TBC1D4: variants seen among roughly 807,000 people sequenced by gnomAD.
TBC1D4 encodes TBC1 domain family member 4, also known as TBC (Tre-2, BUB2, CDC16) domain-containing protein.
A neutral mutation model predicts 142.5 loss-of-function variants in TBC1D4; 121 were observed. That is an observed-to-expected ratio of 0.85 (90% CI 0.73 to 0.99). The LOEUF (loss-of-function observed/expected upper bound fraction) is 0.99, where lower values mean the gene tolerates loss of function less well. Among genes scored for constraint, TBC1D4 ranks in the 50% least tolerant of loss-of-function variants. The pLI is 0.00. For synonymous variants in TBC1D4, 630 were observed against 628.2 expected (o/e 1.00, Z -0.04); for missense variants, 1,475 against 1,606.6 (o/e 0.92, Z 1.40).
intron 1 of TBC1D4, chr13:75,375,557 T>C (rs1285582932): frequency 6.6e-6 from 1 of 152,034 alleles, no homozygotes; most frequent in African/African-American, 2.4e-5. Flanking sequence ...AACATGAAAG[T>C]GTAGTTAGGG....
intron 1 of TBC1D4, among the ~76,000 whole-genome samples, chr13:75,464,773 C>A (rs1888103777): frequency 6.6e-6 from 1 of 152,296 alleles, no homozygotes; most frequent in Non-Finnish European, 1.5e-5. Flanking sequence ...CTGGCTTGGG[C>A]CTGGATTCCT....
chr13:75,374,732 T>C (rs1883409274), intron 1 of TBC1D4, among the ~76,000 whole-genome samples: 1 of 152,158 alleles, frequency 6.6e-6, no homozygotes, highest in African/African-American at 2.4e-5. Context: ...AACTTCAAAG[T>C]CAGAAACCAA....
intron 7 of TBC1D4, among the ~76,000 whole-genome samples, chr13:75,339,689 C>A (rs1240198727): frequency 1.3e-5 from 2 of 152,100 alleles, no homozygotes; most frequent in African/African-American, 2.4e-5. Context: ...GCTTCTCCTG[C>A]CTCAGCTTCC....
chr13:75,429,661 A>C (rs1446979237), intron 1 of TBC1D4, among the ~76,000 whole-genome samples: 1 of 152,222 alleles, frequency 6.6e-6, no homozygotes, highest in Non-Finnish European at 1.5e-5. Flanking sequence ...ATTTATTTAG[A>C]TCGAACCACT....
chr13:75,459,628 T>C (rs1049107759), intron 1 of TBC1D4, among the ~76,000 whole-genome samples: 1 of 152,164 alleles, frequency 6.6e-6, no homozygotes, highest in Non-Finnish European at 1.5e-5. Flanking sequence ...GTGTTCTTTT[T>C]CCCAAAACAG....
chr13:75,430,105 G>T (rs1886535556), intron 1 of TBC1D4, among the ~76,000 whole-genome samples: 1 of 152,082 alleles, frequency 6.6e-6, no homozygotes, highest in Admixed American at 6.6e-5. Context: ...AGAAAATTAT[G>T]ACAAATACAC....
At chr13:75,454,411 C>A (rs1303199811) in intron 1 of TBC1D4, among the ~76,000 whole-genome samples, 1 of 151,970 alleles carries the variant, frequency 6.6e-6, no homozygotes, top group Admixed American at 6.6e-5. Flanking sequence ...TCTTTCCAGG[C>A]TTTGATAAAA....
intron 5 of TBC1D4, among the ~76,000 whole-genome samples, chr13:75,346,155 A>T (rs2138099495): frequency 6.6e-6 from 1 of 152,302 alleles, no homozygotes; most frequent in South Asian, 2.1e-4. Context: ...AAGTAGATCA[A>T]AGTTTTGTTT....
At chr13:75,320,266 GA>G in intron 11 of TBC1D4, among the ~76,000 whole-genome samples, 1 of 151,702 alleles carries the variant, frequency 6.6e-6, no homozygotes, top group Non-Finnish European at 1.5e-5. Flanking sequence ...TTTTCTCATT[GA>G]AAAGTTTTAT....
At chr13:75,309,091 T>C (rs964042938) in intron 14 of TBC1D4, among the ~76,000 whole-genome samples, 5 of 152,110 alleles carry the variant, frequency 3.3e-5, no homozygotes, top group Non-Finnish European at 7.4e-5. Context: ...ATCTTAAAAG[T>C]CAAACGGACC....
Position 75,324,137 on chromosome 13 carries a change from G to A in TBC1D4, c.2198+100C>T, listed in dbSNP as rs1447986741. ...ATTAGAACAAGCACAACACAGGGAT[G>A]CATAAATGTCACTCCAAAATTAATC... On this transcript the variant is annotated intron_variant, in intron 11 of 20. Transcript: ENST00000377636. The A allele has an allele frequency of 5.4e-6, 7 of 1,293,034 alleles. No homozygotes were observed. In the Admixed American group the frequency reaches 1.0e-4, roughly 19 times the overall value. The allele number at this position is 1,293,034 out of a possible 1,614,324, so 80.1% of individuals were successfully genotyped here.
intron 14 of TBC1D4, among the ~76,000 whole-genome samples, chr13:75,309,169 A>G (rs955828422): frequency 6.6e-6 from 1 of 152,168 alleles, no homozygotes; most frequent in African/African-American, 2.4e-5. Flanking sequence ...GATTTTCCCA[A>G]AATAATGAAA....
At chr13:75,476,000 T>C (rs1230973313) in intron 1 of TBC1D4, among the ~76,000 whole-genome samples, 1 of 152,292 alleles carries the variant, frequency 6.6e-6, no homozygotes, top group East Asian at 1.9e-4. Context: ...CCCAGCACTT[T>C]GGGAGGCCCA....
In TBC1D4 at chr13:75,292,056, C is replaced by T. The variant is rs471822; in HGVS notation, c.3486+46G>A. 7,082 of 1,487,534 alleles carry T rather than the reference C, an allele frequency of 4.8e-3. 303 individuals carry two copies. In the African/African-American group the frequency reaches 0.086, roughly 18 times the overall value. The allele number at this position is 1,487,534 out of a possible 1,614,324, so 92.1% of individuals were successfully genotyped here. ...TAGGCTAAAGCATTTAATATATATTCAGTAGAGAAAACTGCTATATAATAC... is the reference window on the plus strand; with the variant it reads ...TAGGCTAAAGCATTTAATATATATTTAGTAGAGAAAACTGCTATATAATAC... On this transcript the variant is annotated intron_variant, in intron 19 of 20. Transcript: ENST00000377636.
chr13:75,449,053 T>A (rs189580530), intron 1 of TBC1D4, among the ~76,000 whole-genome samples: 149 of 151,632 alleles, frequency 9.8e-4, no homozygotes, highest in African/African-American at 3.5e-3. Context: ...TATATATATA[T>A]AATTATATAC....
At chr13:75,437,296 C>A (rs1239745902) in intron 1 of TBC1D4, among the ~76,000 whole-genome samples, 2 of 151,996 alleles carry the variant, frequency 1.3e-5, no homozygotes, top group African/African-American at 4.8e-5. Context: ...TCCAACGAAG[C>A]ATTAAGGGGG....
intron 1 of TBC1D4, among the ~76,000 whole-genome samples, chr13:75,406,678 A>G (rs1174361307): frequency 2.6e-5 from 4 of 152,204 alleles, no homozygotes; most frequent in Non-Finnish European, 5.9e-5. Context: ...GATTCATGTA[A>G]GAGTAGAATA....
intron 1 of TBC1D4, among the ~76,000 whole-genome samples, chr13:75,409,281 T>C (rs1165072022): frequency 6.6e-6 from 1 of 152,214 alleles, no homozygotes; most frequent in Non-Finnish European, 1.5e-5. Context: ...TTTTTCCTTT[T>C]TGCTCAATTT....
intron 11 of TBC1D4, among the ~76,000 whole-genome samples, chr13:75,321,721 G>T (rs1214098533): frequency 1.3e-5 from 2 of 151,370 alleles, no homozygotes; most frequent in Non-Finnish European, 2.9e-5. Context: ...TCATATGTAG[G>T]TACAATTAAA....
Sources: gnomAD v4.1 joint callset for allele counts (sites outside exome capture counted in the v4.1 genomes callset) on GRCh38, gnomAD v4.1.1 for gene constraint, MANE v1.5 for transcripts, NCBI Gene and HGNC (gene_info 2026-07-23, HGNC 2026-07-21) for gene names.